RNF150: variants seen among roughly 807,000 people sequenced by gnomAD.
RNF150 encodes ring finger protein 150.
Under a neutral mutation model 39.3 loss-of-function variants are expected in RNF150, and 24 were observed. The ratio of observed to expected loss-of-function variants is 0.61; its 90% confidence interval spans 0.44 to 0.86. The LOEUF (loss-of-function observed/expected upper bound fraction) is 0.86. RNF150 is among the 40% of genes least tolerant of loss of function. RNF150 has a pLI of 0.00. For synonymous variants in RNF150, 255 were observed against 227.3 expected (o/e 1.12, Z -1.10); for missense variants, 502 against 587.8 (o/e 0.85, Z 1.51).
At chr4:141,105,360 G>A (rs1449764036) in intron 1 of RNF150, among the ~76,000 whole-genome samples, 1 of 152,154 alleles carries the variant, frequency 6.6e-6, no homozygotes, top group East Asian at 1.9e-4. Flanking sequence ...TTTATTACAA[G>A]TCAAATCCAG....
intron 1 of RNF150, among the ~76,000 whole-genome samples, chr4:141,183,179 CAG>C (rs1727941007): frequency 6.6e-6 from 1 of 150,410 alleles, no homozygotes; most frequent in Non-Finnish European, 1.5e-5. Flanking sequence ...GTAGAGAAGT[CAG>C]AGTTTGTGTA....
intron 1 of RNF150, among the ~76,000 whole-genome samples, chr4:140,976,851 C>A (rs890609812): frequency 1.3e-5 from 2 of 152,092 alleles, no homozygotes. Context: ...GGAAATCTCA[C>A]AAGTCACCTT....
At chr4:141,103,083 G>C (rs574268200) in intron 1 of RNF150, among the ~76,000 whole-genome samples, 1 of 152,106 alleles carries the variant, frequency 6.6e-6, no homozygotes, top group African/African-American at 2.4e-5. Flanking sequence ...GCCTCTCCCC[G>C]TAACTGTGTA....
intron 4 of RNF150, among the ~76,000 whole-genome samples, chr4:140,938,044 T>G (rs1330768885): frequency 1.3e-5 from 2 of 152,210 alleles, no homozygotes; most frequent in Non-Finnish European, 2.9e-5. Context: ...CCTTTTGTTT[T>G]CGACTTCACG....
At position 141,069,543 on chromosome 4, in the gene RNF150, C is replaced by T. The variant is rs374196603; in HGVS notation, c.484+62782G>A. Among the ~76,000 whole-genome samples, 287 of 147,166 alleles carry T rather than the reference C, an allele frequency of 2.0e-3. 1 individual carries two copies. Among genetic ancestry groups the T allele is most frequent in the African/African-American group, 7.1e-3 (280 of 39,542 alleles). ...TCTCTTTTTTGGTTGTGTCTCTGCCCGGCTTTGCTATCAGAATGATGCTGG... is the reference window on the plus strand; with the variant it reads ...TCTCTTTTTTGGTTGTGTCTCTGCCTGGCTTTGCTATCAGAATGATGCTGG... On this transcript the variant is annotated intron_variant, in intron 1 of 6. Transcript: ENST00000515673.
intron 5 of RNF150, among the ~76,000 whole-genome samples, chr4:140,917,354 G>A (rs1215798020): frequency 6.6e-6 from 1 of 151,992 alleles, no homozygotes; most frequent in Admixed American, 6.6e-5. Context: ...GATCTACCAA[G>A]CAAATGGAAA....
chr4:140,933,823 G>A (rs577745557), intron 4 of RNF150, among the ~76,000 whole-genome samples: 28 of 152,166 alleles, frequency 1.8e-4, no homozygotes, highest in African/African-American at 6.7e-4. Context: ...TTGTGATGGG[G>A]ATGATCTAGT....
intron 1 of RNF150, among the ~76,000 whole-genome samples, chr4:141,184,782 T>C (rs1473756836): frequency 6.6e-6 from 1 of 152,168 alleles, no homozygotes; most frequent in African/African-American, 2.4e-5. Flanking sequence ...ATTGCTTCTT[T>C]TTGTCATGTT....
At chr4:140,927,432 T>C (rs1159022626) in intron 4 of RNF150, among the ~76,000 whole-genome samples, 1 of 152,112 alleles carries the variant, frequency 6.6e-6, no homozygotes, top group Non-Finnish European at 1.5e-5. Context: ...GCTGTTCTTG[T>C]GATAGTGATT....
chr4:140,922,729 G>C (rs1194237322), intron 5 of RNF150, among the ~76,000 whole-genome samples: 11 of 152,044 alleles, frequency 7.2e-5, no homozygotes, highest in Non-Finnish European at 1.6e-4. Context: ...TGGTTACAAG[G>C]CTACAGTAAT....
chr4:140,978,217 TCC>T (rs938186509), intron 1 of RNF150, among the ~76,000 whole-genome samples: 3 of 152,104 alleles, frequency 2.0e-5, no homozygotes, highest in Non-Finnish European at 4.4e-5. Context: ...TAATCTGTGC[TCC>T]CCCAAGACTC....
At chr4:141,050,820 T>C (rs1337715889) in intron 1 of RNF150, among the ~76,000 whole-genome samples, 1 of 152,194 alleles carries the variant, frequency 6.6e-6, no homozygotes, top group Non-Finnish European at 1.5e-5. Context: ...TCAGTGCATC[T>C]ACCATTCTCA....
intron 5 of RNF150, 111 bp from the exon 6 acceptor site, chr4:140,911,465 A>C (rs1730603611): frequency 1.2e-6 from 1 of 812,352 alleles, no homozygotes; most frequent in Non-Finnish European, 1.9e-6. Flanking sequence ...TTTATTGTTT[A>C]CTTCTTGAGC....
At position 141,027,626 on chromosome 4, in the gene RNF150, C is replaced by A. The variant is rs551652537; in HGVS notation, c.485-59753G>T. Among the ~76,000 whole-genome samples the A allele has an allele frequency of 2.0e-5, 3 of 152,234 alleles. No individual in the cohort carries two copies. The South Asian group carries it at 6.2e-4, about 32-fold the overall frequency. On this transcript the variant is annotated intron_variant, in intron 1 of 6. Coordinates refer to ENST00000515673, the MANE Select transcript of RNF150 (RefSeq NM_020724.2). ...GAGTATGTGCCACTTCCCAGTCTGG[C>A]CTATAAAAATCTCTCATGTTGCATC... is the stretch of plus-strand genomic sequence containing the variant.
At chr4:141,180,295 A>G (rs974046016) in intron 1 of RNF150, among the ~76,000 whole-genome samples, 1 of 152,176 alleles carries the variant, frequency 6.6e-6, no homozygotes, top group African/African-American at 2.4e-5. Flanking sequence ...GCAAGCAGAG[A>G]GCTTACACCG....
chr4:141,039,463 C>G (rs777038363), intron 1 of RNF150, among the ~76,000 whole-genome samples: 1 of 151,738 alleles, frequency 6.6e-6, no homozygotes. Flanking sequence ...GACAGCAGAG[C>G]TAGGGCACAG....
intron 1 of RNF150, among the ~76,000 whole-genome samples, chr4:141,122,032 T>A (rs752935485): frequency 6.6e-6 from 1 of 152,122 alleles, no homozygotes; most frequent in African/African-American, 2.4e-5. Context: ...CAATATGCAG[T>A]CAGGGTGGAG....
chr4:141,209,151 T>C (rs1728421464), intron 1 of RNF150, among the ~76,000 whole-genome samples: 5 of 152,242 alleles, frequency 3.3e-5, no homozygotes, highest in Admixed American at 1.3e-4. Flanking sequence ...AGCAAGAATA[T>C]GCAGCTGAAG....
intron 1 of RNF150, among the ~76,000 whole-genome samples, chr4:141,158,773 C>T (rs992494203): frequency 3.9e-5 from 6 of 152,044 alleles, no homozygotes; most frequent in African/African-American, 1.4e-4. Flanking sequence ...TGTTATATTC[C>T]AAGGAAGAAC....
Sources: allele counts gnomAD v4.1 joint callset (sites outside exome capture counted in the v4.1 genomes callset), GRCh38; gene constraint gnomAD v4.1.1; transcripts MANE v1.5; gene names NCBI Gene and HGNC (gene_info 2026-07-23, HGNC 2026-07-21).